The following PHF24 variants were observed in gnomAD, a reference collection of about 807,000 sequenced individuals.
PHF24 encodes the protein Galpha inhibitory interacting protein.
PHF24 carries 25 observed loss-of-function variants against 42.6 expected under a neutral mutation model. The observed-to-expected ratio is 0.59, with a 90% CI of 0.43 to 0.82. The LOEUF is 0.82. Among genes scored for constraint, PHF24 ranks in the 40% least tolerant of loss-of-function variants. The pLI, the probability that PHF24 is intolerant of heterozygous loss-of-function variation, is 0.00. For missense variants in PHF24, 470 were observed against 538.1 expected (o/e 0.87, Z 1.25); for synonymous variants, 185 against 204.8 (o/e 0.90, Z 0.83).
chr9:34,683,804 CT>C, the PHF24 span, among the ~76,000 whole-genome samples: 6 of 152,078 alleles, frequency 3.9e-5, no homozygotes, highest in African/African-American at 1.4e-4. Flanking sequence ...GTCCTGTGGA[CT>C]TTTTTTTCCT....
the PHF24 span, among the ~76,000 whole-genome samples, chr9:34,870,824 G>A: frequency 6.6e-6 from 1 of 152,118 alleles, no homozygotes; most frequent in Non-Finnish European, 1.5e-5. Context: ...ATATTGCATT[G>A]TATGGACATA....
chr9:34,726,807 A>T, the PHF24 span: 1 of 1,551,744 alleles, frequency 6.4e-7, no homozygotes, highest in Non-Finnish European at 8.7e-7. Flanking sequence ...GACATACTAG[A>T]CGTAGACAGC....
chr9:34,687,871 G>T, the PHF24 span, among the ~76,000 whole-genome samples: 1 of 152,220 alleles, frequency 6.6e-6, no homozygotes, highest in Non-Finnish European at 1.5e-5. Flanking sequence ...CTTGGTGGAT[G>T]GATGAAAGAA....
chr9:34,976,405 C>A, intron 4 of PHF24, 130 bp from the exon 5 acceptor site: 1 of 1,092,148 alleles, frequency 9.2e-7, no homozygotes, highest in Non-Finnish European at 1.3e-6. Flanking sequence ...GCCTGGGTGA[C>A]CCTGGCCATG....
chr9:34,959,247 A>C (rs906779552), intron 1 of PHF24, among the ~76,000 whole-genome samples: 3 of 152,204 alleles, frequency 2.0e-5, no homozygotes, highest in African/African-American at 7.2e-5. Flanking sequence ...TGACTTTGGC[A>C]GGTCCTGGAG....
chr9:34,849,308 A>C, the PHF24 span, among the ~76,000 whole-genome samples: 1 of 152,116 alleles, frequency 6.6e-6, no homozygotes, highest in East Asian at 1.9e-4. Flanking sequence ...CTATATATTT[A>C]GGATAGTTAG....
the PHF24 span, among the ~76,000 whole-genome samples, chr9:34,891,929 A>T: frequency 6.6e-6 from 1 of 152,170 alleles, no homozygotes; most frequent in East Asian, 1.9e-4. Flanking sequence ...GGATTTGTCA[A>T]TGGTCAGATG....
the PHF24 span, among the ~76,000 whole-genome samples, chr9:34,875,950 A>ACACACACACT: frequency 2.5e-5 from 2 of 78,682 alleles, no homozygotes; most frequent in Admixed American, 2.9e-4. Flanking sequence ...ACACACACAC[A>ACACACACACT]CTCTCTCTCT....
the PHF24 span, among the ~76,000 whole-genome samples, chr9:34,679,083 G>A: frequency 1.3e-5 from 2 of 152,234 alleles, no homozygotes; most frequent in African/African-American, 4.8e-5. Context: ...CAATCTGGAT[G>A]TACCTTCTCA....
the PHF24 span, chr9:34,837,483 A>C: frequency 2.8e-5 from 16 of 576,808 alleles, no homozygotes; most frequent in South Asian, 3.3e-4. Flanking sequence ...AATGTAGAGA[A>C]TTTTGGAACG....
chr9:34,695,205 T>C, the PHF24 span, among the ~76,000 whole-genome samples: 1 of 152,268 alleles, frequency 6.6e-6, no homozygotes, highest in East Asian at 1.9e-4. Flanking sequence ...GATAAACCAA[T>C]GGCTGATGAT....
chr9:34,835,708 C>T, the PHF24 span: 4 of 1,551,214 alleles, frequency 2.6e-6, no homozygotes, highest in Admixed American at 5.9e-5. Context: ...GTGATCAGCC[C>T]AGTAATCTTG....
At chr9:34,949,274 A>C in the PHF24 span, among the ~76,000 whole-genome samples, 1 of 152,222 alleles carries the variant, frequency 6.6e-6, no homozygotes. Flanking sequence ...TAAATAGAGA[A>C]ATGCAAATCA....
At chr9:34,679,246 T>C in the PHF24 span, among the ~76,000 whole-genome samples, 1 of 152,238 alleles carries the variant, frequency 6.6e-6, no homozygotes, top group Admixed American at 6.5e-5. Flanking sequence ...TGTGGCCAAT[T>C]ACCATGCAGT....
chr9:34,855,059 G>T, the PHF24 span, among the ~76,000 whole-genome samples: 3 of 152,010 alleles, frequency 2.0e-5, no homozygotes, highest in Non-Finnish European at 4.4e-5. Flanking sequence ...GATCTTTGTT[G>T]GTTTAAAGTC....
the PHF24 span, among the ~76,000 whole-genome samples, chr9:34,711,810 T>C: frequency 6.6e-6 from 1 of 152,342 alleles, no homozygotes; most frequent in South Asian, 2.1e-4. Context: ...CCCAAAGTGC[T>C]GGGATTACAG....
chr9:34,963,161 C>T (rs1826650297), intron 1 of PHF24, among the ~76,000 whole-genome samples: 1 of 151,986 alleles, frequency 6.6e-6, no homozygotes, highest in Non-Finnish European at 1.5e-5. Flanking sequence ...TAGTGAGGCA[C>T]TGGAATTTCC....
At chr9:34,982,464 C>T (rs868676065) in exon 8 of PHF24, 3 of 152,402 alleles carry the variant, frequency 2.0e-5, no homozygotes, top group African/African-American at 7.2e-5. Context: ...CTGCGTGGCC[C>T]AGCCTTCACA....
At chr9:34,833,063 T>G in the PHF24 span, 16 of 1,543,940 alleles carry the variant, frequency 1.0e-5, no homozygotes, top group Middle Eastern at 3.3e-4. Context: ...CCTCTGGTCT[T>G]CAGCAGGGCG....
Sources: allele counts gnomAD v4.1 joint callset (sites outside exome capture counted in the v4.1 genomes callset), GRCh38; gene constraint gnomAD v4.1.1; transcripts MANE v1.5; gene names NCBI Gene and HGNC (gene_info 2026-07-23, HGNC 2026-07-21).